GPR139: variants seen among roughly 807,000 people sequenced by gnomAD.
GPR139 encodes the protein probable G protein-coupled receptor 139.
GPR139 carries 12 observed loss-of-function variants against 25.8 expected under a neutral mutation model. That is an observed-to-expected ratio of 0.47 (90% CI 0.30 to 0.75). The LOEUF is 0.75. Among genes scored for constraint, GPR139 ranks in the 30% least tolerant of loss-of-function variants. The pLI, the probability that GPR139 is intolerant of heterozygous loss-of-function variation, is 0.07. For synonymous variants in GPR139, 184 were observed against 179.9 expected, an observed-to-expected ratio of 1.02 and a Z score of -0.18; for missense variants, 380 against 450.2, an observed-to-expected ratio of 0.84 and a Z score of 1.41.
Position 20,056,371 on chromosome 16 carries a change from A to G in GPR139, c.127+17119T>C, listed in dbSNP as rs372190091. Among the ~76,000 whole-genome samples the G allele has an allele frequency of 3.3e-5, 5 of 152,358 alleles. No homozygotes were observed. In the East Asian group the frequency reaches 5.8e-4, roughly 18 times the overall value. On this transcript the variant is annotated intron_variant, in intron 1 of 1. Coordinates refer to ENST00000570682, the MANE Select transcript of GPR139 (RefSeq NM_001002911.4). The stretch of plus-strand genomic sequence containing the variant: ...ATTTATTTTCCTTTATGGCACAAGT[A>G]GCTATCACAATTTACAAACGAAAGA...
At chr16:20,049,026 T>A (rs1350072252) in intron 1 of GPR139, among the ~76,000 whole-genome samples, 1 of 152,176 alleles carries the variant, frequency 6.6e-6, no homozygotes, top group Non-Finnish European at 1.5e-5. Context: ...ATGCATTGAG[T>A]TAAGCACCTC....
intron 1 of GPR139, among the ~76,000 whole-genome samples, chr16:20,061,178 A>AATGGATGGATGG (rs200262959): frequency 1.0e-4 from 14 of 140,540 alleles, no homozygotes; most frequent in African/African-American, 2.9e-4. Context: ...CCAGGCCCAG[A>AATGGATGGATGG]ATGGATGGAT....
At chr16:20,065,742 G>T (rs979537709) in intron 1 of GPR139, among the ~76,000 whole-genome samples, 1 of 152,088 alleles carries the variant, frequency 6.6e-6, no homozygotes, top group African/African-American at 2.4e-5. Flanking sequence ...GCATGGTGGT[G>T]CATGGCTGTA....
intron 1 of GPR139, among the ~76,000 whole-genome samples, chr16:20,066,604 G>A (rs1025590740): frequency 6.6e-6 from 1 of 152,188 alleles, no homozygotes; most frequent in Non-Finnish European, 1.5e-5. Context: ...GCTTGAGCAC[G>A]TGGACATGTT....
intron 1 of GPR139, among the ~76,000 whole-genome samples, chr16:20,043,305 C>T (rs528876801): frequency 2.0e-5 from 3 of 152,272 alleles, no homozygotes; most frequent in African/African-American, 4.8e-5. Context: ...ATCACGAAAC[C>T]ACATCCAAGC....
In GPR139 at chr16:20,032,517, T is replaced by G. The variant is rs1329060702; in HGVS notation, c.280A>C (p.Met94Leu). Reference sequence around the variant, plus strand: ...TTGTCGGGGACCTGAGGCATCTGCATGTTCAAGATGAAATCTTCCAACAGG... The same window carrying G: ...TTGTCGGGGACCTGAGGCATCTGCAGGTTCAAGATGAAATCTTCCAACAGG... ...DFLLEDFILN[M>L]QMPQVPDKII... The change falls in exon 2 of 2, where the codon ATG (methionine) becomes CTG (leucine). Residue 94 changes from methionine (M) to leucine (L), a missense_variant. Transcript: ENST00000570682. 6.2e-7 allele frequency: 1 copy of G among 1,614,166 alleles called. No homozygotes were observed. Among genetic ancestry groups the G allele is most frequent in the Admixed American group, 1.7e-5 (1 of 60,012 alleles).
At chr16:20,069,153 T>C (rs552293796) in intron 1 of GPR139, among the ~76,000 whole-genome samples, 2 of 152,334 alleles carry the variant, frequency 1.3e-5, no homozygotes, top group East Asian at 3.9e-4. Flanking sequence ...TTTTTCCTAA[T>C]TTTTAAATGA....
rs71146300 is a variant in GPR139, at chr16:20,073,252, TCACACACACA to T, written c.127+228_127+237del. Among the ~76,000 whole-genome samples the T allele has an allele frequency of 1.4e-5, 2 of 147,106 alleles. No individual in the cohort carries two copies. Among genetic ancestry groups the T allele is most frequent in the Non-Finnish European group, 3.0e-5 (2 of 66,646 alleles). On this transcript the variant is annotated intron_variant, in intron 1 of 1. Transcript: ENST00000570682. The surrounding 1 kb of genome is among the most constrained non-coding windows in gnomAD (Gnocchi z 4.7). ...AGCCCATCGCCCGCCGTCACAGTCA[TCACACACACA>T]CACACACACACACACACGCTCGCGC...
At position 20,032,572 on chromosome 16, in the gene GPR139, C is replaced by T; in HGVS notation, c.225G>A (p.Leu75=). 6.2e-7 allele frequency: 1 copy of T among 1,614,040 alleles called. No individual in the cohort carries two copies. The change falls in exon 2 of 2, where the codon TTG becomes TTA. Residue 75 remains leucine, a synonymous_variant. Transcript: ENST00000570682. ...CCACAAACACTATGAAAAAGAGGAC[C>T]AAGATGTCGGCAGCAGCGAGTGCCA... ...YLLALAAADI[L]VLFFIVFVDF...
chr16:20,065,356 G>A (rs976951432), intron 1 of GPR139, among the ~76,000 whole-genome samples: 7 of 152,126 alleles, frequency 4.6e-5, no homozygotes, highest in African/African-American at 1.7e-4. Context: ...AGCTCCCTCA[G>A]TCCCTATCTT....
At chr16:20,060,275 A>G (rs553645256) in intron 1 of GPR139, among the ~76,000 whole-genome samples, 52 of 151,036 alleles carry the variant, frequency 3.4e-4, no homozygotes, top group Middle Eastern at 3.4e-3. Context: ...TGTGTGGTGC[A>G]TGTGTGCATC....
intron 1 of GPR139, among the ~76,000 whole-genome samples, chr16:20,066,045 G>C (rs912875495): frequency 2.6e-5 from 4 of 152,160 alleles, no homozygotes; most frequent in African/African-American, 9.7e-5. Flanking sequence ...ATAGAGATGA[G>C]GAGAGCCACA....
intron 1 of GPR139, among the ~76,000 whole-genome samples, chr16:20,072,686 A>G (rs960012090): frequency 1.3e-5 from 2 of 152,154 alleles, no homozygotes; most frequent in Non-Finnish European, 2.9e-5. Flanking sequence ...AATTCAGGAC[A>G]AGTCTCAGCC....
chr16:20,047,750 G>A (rs1351331720), intron 1 of GPR139, among the ~76,000 whole-genome samples: 1 of 152,180 alleles, frequency 6.6e-6, no homozygotes, highest in African/African-American at 2.4e-5. Context: ...AGGTGGCAGA[G>A]TACAAATTCT....
At chr16:20,052,769 A>G (rs1224905430) in intron 1 of GPR139, among the ~76,000 whole-genome samples, 2 of 142,554 alleles carry the variant, frequency 1.4e-5, no homozygotes, top group Non-Finnish European at 3.0e-5. Flanking sequence ...AGCCTGGGTG[A>G]CAGAGCAAGA....
rs953316996 is a variant in GPR139, at chr16:20,029,421, C to G, written c.*2314G>C. Among the ~76,000 whole-genome samples, 2 of 151,728 alleles carry G rather than the reference C, an allele frequency of 1.3e-5. No homozygotes were observed. The highest frequency in any genetic ancestry group is 2.9e-5 in the Non-Finnish European group (2 of 67,976). ...AACCTTTGTAGATATTGCACTTTGA[C>G]TCATTCATGTGTAGCTCAAACTAGC... On this transcript the variant is annotated 3_prime_UTR_variant, in exon 2 of 2. Transcript: ENST00000570682.
chr16:20,069,289 C>T (rs1355757820), intron 1 of GPR139, among the ~76,000 whole-genome samples: 1 of 59,742 alleles, frequency 1.7e-5, no homozygotes, highest in Non-Finnish European at 4.2e-5. Flanking sequence ...GTTAAAGTCA[C>T]TTGCCCAAGG....
intron 1 of GPR139, among the ~76,000 whole-genome samples, chr16:20,068,688 T>C (rs1275589133): frequency 6.6e-6 from 1 of 152,218 alleles, no homozygotes; most frequent in African/African-American, 2.4e-5. Context: ...TGCCTTGTTC[T>C]AGATCTTAGG....
At chr16:20,072,967 GC>G (rs1596473187) in intron 1 of GPR139, among the ~76,000 whole-genome samples, 2 of 152,114 alleles carry the variant, frequency 1.3e-5, no homozygotes, top group African/African-American at 4.8e-5. Flanking sequence ...CCATTCCAGT[GC>G]CCCCCGAGCA....
Sources: gnomAD v4.1 joint callset for allele counts (sites outside exome capture counted in the v4.1 genomes callset) on GRCh38, gnomAD v4.1.1 for gene constraint, Gnocchi (gnomAD v3.1) non-coding constraint, MANE v1.5 for transcripts, NCBI Gene and HGNC (gene_info 2026-07-23, HGNC 2026-07-21) for gene names.